Variants in GATAD2A observed in about 807,000 individuals in gnomAD.
GATAD2A encodes transcriptional repressor p66-alpha.
A neutral mutation model predicts 68.5 loss-of-function variants in GATAD2A; 12 were observed. The observed-to-expected ratio is 0.18, with a 90% confidence interval of 0.11 to 0.28. GATAD2A has a LOEUF of 0.28. Ranked by LOEUF, GATAD2A falls within the 10% of genes least tolerant of loss-of-function variation. The pLI is 1.00. For synonymous variants in GATAD2A, 410 were observed against 375.3 expected (o/e 1.09, Z -1.07); for missense variants, 755 against 868.5 (o/e 0.87, Z 1.64).
intron 1 of GATAD2A, among the ~76,000 whole-genome samples, chr19:19,429,758 C>G (rs73922882): frequency 6.6e-6 from 1 of 151,944 alleles, no homozygotes; most frequent in Non-Finnish European, 1.5e-5. Context: ...GTGGGAACTC[C>G]GGCCTCCAGT....
Position 19,505,376 on chromosome 19 carries a change from G to C in GATAD2A, c.1807G>C (p.Ala603Pro), listed in dbSNP as rs1215943629. The change falls in exon 12 of 12, where the codon GCG becomes CCG. Residue 603 changes from alanine (A) to proline (P), a missense_variant. By Grantham distance (27) the Ala-to-Pro change is conservative (BLOSUM62 -1). Coordinates refer to ENST00000683918, the MANE Select transcript of GATAD2A (RefSeq NM_001384528.1). ...GTLAFVSPSLAVHKSSSAVDR... is the reference protein window; with the variant it reads ...GTLAFVSPSLPVHKSSSAVDR... Reference sequence around the variant, plus strand: ...CCTTGCGTTTGTCAGCCCAAGCCTGGCGGTGCACAAGAGCTCCTCGGCCGT... The same window carrying C: ...CCTTGCGTTTGTCAGCCCAAGCCTGCCGGTGCACAAGAGCTCCTCGGCCGT... 1.9e-6 allele frequency: 3 copies of C among 1,613,362 alleles called. No homozygotes were observed. The Admixed American group carries it at 5.0e-5, about 27-fold the overall frequency.
chr19:19,433,519 G>A (rs1424708988), intron 1 of GATAD2A, among the ~76,000 whole-genome samples: 2 of 152,166 alleles, frequency 1.3e-5, no homozygotes, highest in African/African-American at 4.8e-5. Flanking sequence ...CTGTAGATCA[G>A]TTTGGGAGAG....
chr19:19,489,514 A>C (rs1270038403), intron 2 of GATAD2A, among the ~76,000 whole-genome samples: 4 of 152,198 alleles, frequency 2.6e-5, no homozygotes, highest in Non-Finnish European at 5.9e-5. Context: ...ATGCTGAGTG[A>C]TCATTGATGG....
At chr19:19,423,592 A>G (rs898937410) in intron 1 of GATAD2A, among the ~76,000 whole-genome samples, 1 of 152,222 alleles carries the variant, frequency 6.6e-6, no homozygotes, top group Non-Finnish European at 1.5e-5. Flanking sequence ...TGGTTAGTGG[A>G]TGGTTCCAGC....
chr19:19,491,033 G>A (rs1301716133), intron 2 of GATAD2A, among the ~76,000 whole-genome samples: 2 of 152,194 alleles, frequency 1.3e-5, no homozygotes, highest in Admixed American at 6.5e-5. Flanking sequence ...GTTCAGCCTT[G>A]CGCCTTCAGT....
At chr19:19,495,393 C>T (rs748120132) in intron 5 of GATAD2A, among the ~76,000 whole-genome samples, 179 of 152,210 alleles carry the variant, frequency 1.2e-3, no homozygotes, top group South Asian at 2.5e-3. Context: ...ACTGCAACCT[C>T]CGCCTCCCAG....
intron 1 of GATAD2A, among the ~76,000 whole-genome samples, chr19:19,429,590 C>T (rs116137466): frequency 0.014 from 2,148 of 151,922 alleles, 56 homozygotes; most frequent in African/African-American, 0.049. Flanking sequence ...GGAAGACAGC[C>T]AGTACATGCC....
At chr19:19,435,462 C>CA (rs2054226716) in intron 1 of GATAD2A, among the ~76,000 whole-genome samples, 1 of 152,198 alleles carries the variant, frequency 6.6e-6, no homozygotes, top group Non-Finnish European at 1.5e-5. Flanking sequence ...TAGGCTCAAG[C>CA]AGTCCTCCTG....
chr19:19,494,531 C>T, intron 5 of GATAD2A, 148 bp downstream of exon 5: 1 of 584,428 alleles, frequency 1.7e-6, no homozygotes, highest in Non-Finnish European at 3.1e-6. Context: ...GCCCTCCAGC[C>T]CACAGCCTAG....
At chr19:19,420,157 C>T (rs1356573765) in intron 1 of GATAD2A, among the ~76,000 whole-genome samples, 3 of 146,530 alleles carry the variant, frequency 2.0e-5, no homozygotes, top group Non-Finnish European at 4.5e-5. Context: ...ATTATAGGCA[C>T]GCACCACTAT....
At chr19:19,490,530 T>G (rs2059719068) in intron 2 of GATAD2A, among the ~76,000 whole-genome samples, 1 of 152,158 alleles carries the variant, frequency 6.6e-6, no homozygotes, top group Admixed American at 6.5e-5. Context: ...CAGTTAACTT[T>G]GTCCGAGTTT....
intron 2 of GATAD2A, among the ~76,000 whole-genome samples, chr19:19,486,064 A>C (rs1317418705): frequency 1.3e-5 from 2 of 152,154 alleles, no homozygotes; most frequent in Non-Finnish European, 2.9e-5. Context: ...AACCTCCATC[A>C]AGGCAAGAGG....
In GATAD2A at chr19:19,486,538, C is replaced by A. The variant is rs1039906706; in HGVS notation, c.270-5768C>A. Among the ~76,000 whole-genome samples, 3 of 152,226 alleles carry A rather than the reference C, an allele frequency of 2.0e-5. No homozygotes were observed. The East Asian group carries it at 5.8e-4, about 29-fold the overall frequency. ...GTGATCTGACAGCAGGATGCTCCCG[C>A]CCCACCAAATGACAGCCTTGGGGCA... On this transcript the variant is annotated intron_variant, in intron 2 of 11. Coordinates refer to ENST00000683918, the MANE Select transcript of GATAD2A (RefSeq NM_001384528.1).
intron 1 of GATAD2A, among the ~76,000 whole-genome samples, chr19:19,452,008 A>G (rs1747034527): frequency 6.6e-6 from 1 of 152,174 alleles, no homozygotes; most frequent in South Asian, 2.1e-4. Flanking sequence ...CTGGCCAGAA[A>G]GATGTTTTCT....
At chr19:19,500,218 C>T (rs1209054011) in intron 8 of GATAD2A, among the ~76,000 whole-genome samples, 1 of 152,220 alleles carries the variant, frequency 6.6e-6, no homozygotes, top group Non-Finnish European at 1.5e-5. Context: ...GGTTCTGGCG[C>T]CGCTCACGCT....
At chr19:19,414,530 C>CTTTTTTTTT (rs758728889) in intron 1 of GATAD2A, among the ~76,000 whole-genome samples, 1 of 70,208 alleles carries the variant, frequency 1.4e-5, no homozygotes, top group African/African-American at 6.0e-5. Flanking sequence ...AGGGCCTTGT[C>CTTTTTTTTT]TTTTTTTTTT....
In GATAD2A at chr19:19,473,613, C is replaced by A. The variant is rs576427087; in HGVS notation, c.269+7999C>A. On this transcript the variant is annotated intron_variant, in intron 2 of 11. Coordinates refer to ENST00000683918, the MANE Select transcript of GATAD2A (RefSeq NM_001384528.1). ...TTGATATTAAGACAGGTTAGGCCAC[C>A]CACCACGGTGAGCATGCGTGCCCAT... Among the ~76,000 whole-genome samples the A allele has an allele frequency of 3.3e-5, 5 of 152,116 alleles. No homozygotes were observed. The South Asian group carries it at 1.0e-3, about 32-fold the overall frequency.
chr19:19,445,179 A>G (rs1336772910), intron 1 of GATAD2A, among the ~76,000 whole-genome samples: 3 of 152,036 alleles, frequency 2.0e-5, no homozygotes, highest in African/African-American at 7.3e-5. Flanking sequence ...GTTGGTGGTG[A>G]CATAGAGGCT....
intron 1 of GATAD2A, among the ~76,000 whole-genome samples, chr19:19,424,774 T>C (rs2052868632): frequency 1.3e-5 from 2 of 152,260 alleles, no homozygotes; most frequent in South Asian, 4.1e-4. Flanking sequence ...TCCTCACCTT[T>C]CCAGGAGGTT....
Sources: allele counts gnomAD v4.1 joint callset (sites outside exome capture counted in the v4.1 genomes callset), GRCh38; gene constraint gnomAD v4.1.1; transcripts MANE v1.5; gene names NCBI Gene and HGNC (gene_info 2026-07-23, HGNC 2026-07-21).